The following MATN2 variants were observed in gnomAD, a reference collection of about 807,000 sequenced individuals.
MATN2 encodes the protein matrilin-2.
Under a neutral mutation model 103.2 loss-of-function variants are expected in MATN2, and 69 were observed. That is an observed-to-expected ratio of 0.67 (90% CI 0.55 to 0.82). The LOEUF (loss-of-function observed/expected upper bound fraction) is 0.82, where lower values mean the gene tolerates loss of function less well. MATN2 is among the 40% of genes least tolerant of loss of function. The pLI is 0.00. For synonymous variants in MATN2, 429 were observed against 450.2 expected (o/e 0.95, Z 0.60); for missense variants, 1,023 against 1,211.5 (o/e 0.84, Z 2.31).
Position 97,979,003 on chromosome 8 carries a change from G to A in MATN2, c.1076G>A (p.Cys359Tyr). The change falls in exon 6 of 19, where the codon TGC becomes TAC. Residue 359 changes from cysteine (C) to tyrosine (Y), a missense_variant. Physicochemically the swap from Cys to Tyr is radical, Grantham distance 194 (BLOSUM62 -2). Coordinates refer to ENST00000254898, the MANE Select transcript of MATN2 (RefSeq NM_002380.5). ...GFALNPDKKT[C>Y]TKIDYCASSN... ...GCTCTTAACCCAGATAAAAAAACGT[G>A]CACAAGTAAGTTACACACACATGCA... 1 of 1,610,606 alleles carries A rather than the reference G, an allele frequency of 6.2e-7. No individual in the cohort carries two copies. The highest frequency in any genetic ancestry group is 8.5e-7 in the Non-Finnish European group (1 of 1,178,494).
chr8:98,019,782 C>G (rs1252094975), intron 12 of MATN2, among the ~76,000 whole-genome samples: 2 of 152,200 alleles, frequency 1.3e-5, no homozygotes, highest in African/African-American at 4.8e-5. Flanking sequence ...CACTTTGCCC[C>G]AGTGGGCAAA....
chr8:98,031,149 C>A (rs1214215067), intron 15 of MATN2, among the ~76,000 whole-genome samples: 1 of 152,014 alleles, frequency 6.6e-6, no homozygotes, highest in Non-Finnish European at 1.5e-5. Flanking sequence ...CCAGTTTAGG[C>A]AACAAAGTGA....
At chr8:98,009,307 G>A (rs1238137599) in intron 10 of MATN2, among the ~76,000 whole-genome samples, 3 of 152,142 alleles carry the variant, frequency 2.0e-5, no homozygotes, top group South Asian at 2.1e-4. Context: ...GGTTTTCAGC[G>A]TGGCCACAGC....
intron 1 of MATN2, among the ~76,000 whole-genome samples, chr8:97,881,467 C>A (rs994656994): frequency 6.6e-6 from 1 of 152,324 alleles, no homozygotes; most frequent in African/African-American, 2.4e-5. Context: ...TCTCTTCCCC[C>A]ACCCCCTTGG....
At chr8:97,955,162 G>T (rs1389749315) in intron 4 of MATN2, among the ~76,000 whole-genome samples, 1 of 149,726 alleles carries the variant, frequency 6.7e-6, no homozygotes, top group Non-Finnish European at 1.5e-5. Flanking sequence ...GGTGGGTCTT[G>T]TAGCCCCCTT....
At chr8:97,992,928 C>CAATAATAATAATAATAATAAT (rs58706549) in intron 6 of MATN2, among the ~76,000 whole-genome samples, 7 of 144,592 alleles carry the variant, frequency 4.8e-5, no homozygotes, top group African/African-American at 1.5e-4. Flanking sequence ...TCAAAACAAA[C>CAATAATAATAATAATAATAAT]AATAATAATA....
intron 5 of MATN2, among the ~76,000 whole-genome samples, chr8:97,962,439 G>C (rs1811346707): frequency 6.6e-6 from 1 of 152,186 alleles, no homozygotes. Flanking sequence ...GATGTGGAAG[G>C]CAAAACAAAA....
chr8:98,003,539 T>C lies in MATN2; in HGVS notation c.1205-122T>C. On this transcript the variant is annotated intron_variant, in intron 7 of 18. Coordinates refer to ENST00000254898, the MANE Select transcript of MATN2 (RefSeq NM_002380.5). Reference sequence around the variant, plus strand: ...AAACGAATGAATGATCCGTCCCGGCTTGCCTCAGCAGGCAGCACCCACCAG... The same window carrying C: ...AAACGAATGAATGATCCGTCCCGGCCTGCCTCAGCAGGCAGCACCCACCAG... 3 of 1,048,920 alleles carry C rather than the reference T, an allele frequency of 2.9e-6. No individual in the cohort carries two copies. The Admixed American group carries it at 6.3e-5, about 22-fold the overall frequency. The allele number at this position is 1,048,920 out of a possible 1,614,324, so 65.0% of individuals were successfully genotyped here. A position where few individuals can be genotyped will look rare whatever the true frequency, so the allele number is the denominator to read the frequency against.
At chr8:97,884,085 C>T (rs976010087) in intron 1 of MATN2, among the ~76,000 whole-genome samples, 4 of 151,578 alleles carry the variant, frequency 2.6e-5, no homozygotes, top group Non-Finnish European at 4.4e-5. Context: ...GTCTAATATA[C>T]ATTAAGTGGC....
intron 4 of MATN2, among the ~76,000 whole-genome samples, chr8:97,957,366 T>C (rs1208490969): frequency 6.6e-6 from 1 of 152,238 alleles, no homozygotes; most frequent in East Asian, 1.9e-4. Flanking sequence ...CAAAAGGAAA[T>C]GGCCACTGCC....
intron 2 of MATN2, among the ~76,000 whole-genome samples, chr8:97,908,127 G>C (rs894971233): frequency 6.6e-6 from 1 of 152,152 alleles, no homozygotes; most frequent in Non-Finnish European, 1.5e-5. Flanking sequence ...GATTGCTATG[G>C]CTAAGTTCAT....
intron 5 of MATN2, among the ~76,000 whole-genome samples, chr8:97,974,979 G>A (rs140302739): frequency 6.8e-4 from 103 of 152,292 alleles, no homozygotes; most frequent in Admixed American, 2.2e-3. Context: ...GTTCTCAAGC[G>A]ATGGTTGATG....
intron 2 of MATN2, among the ~76,000 whole-genome samples, chr8:97,915,117 A>T (rs1809577678): frequency 6.6e-6 from 1 of 151,976 alleles, no homozygotes; most frequent in African/African-American, 2.4e-5. Context: ...CTCCCAAGTA[A>T]CTGGGACTAC....
At chr8:98,002,523 G>C (rs902206723) in intron 7 of MATN2, among the ~76,000 whole-genome samples, 2 of 152,214 alleles carry the variant, frequency 1.3e-5, no homozygotes, top group Non-Finnish European at 2.9e-5. Flanking sequence ...CAAGTGATCA[G>C]GTTAACCTGA....
intron 10 of MATN2, among the ~76,000 whole-genome samples, chr8:98,011,559 T>C (rs759893120): frequency 6.6e-6 from 1 of 152,192 alleles, no homozygotes; most frequent in Non-Finnish European, 1.5e-5. Context: ...GAAAAGCACA[T>C]CTCAGTTCAG....
intron 2 of MATN2, among the ~76,000 whole-genome samples, chr8:97,894,965 C>T (rs545201699): frequency 6.8e-4 from 103 of 151,870 alleles, no homozygotes; most frequent in Non-Finnish European, 1.4e-3. Flanking sequence ...CTCCGCCTCC[C>T]GGGTTCAAGC....
rs143443096 is a variant in MATN2, at chr8:97,927,239, G to A, written c.143-3714G>A. ...GCTCACAGCAACCTCCAGCTCCCAG[G>A]TTCAAGCGATTCTCCTGCCTCAGCC... is the stretch of plus-strand genomic sequence containing the variant. On this transcript the variant is annotated intron_variant, in intron 2 of 18. Coordinates refer to ENST00000254898, the MANE Select transcript of MATN2 (RefSeq NM_002380.5). Among the ~76,000 whole-genome samples the A allele has an allele frequency of 8.6e-3, 1,308 of 152,280 alleles. 22 individuals carry two copies. The highest frequency in any genetic ancestry group is 0.03 in the African/African-American group (1,253 of 41,546).
At chr8:98,025,739 C>A (rs1297529288) in intron 13 of MATN2, 1 of 442,894 alleles carries the variant, frequency 2.3e-6, no homozygotes, top group Admixed American at 2.5e-5. Flanking sequence ...CAGCAAGACT[C>A]TGTCTCAAAA....
rs542014298 is a variant in MATN2, at chr8:98,023,218, C to T, written c.1942+1891C>T. On this transcript the variant is annotated intron_variant, in intron 13 of 18. Coordinates refer to ENST00000254898, the MANE Select transcript of MATN2 (RefSeq NM_002380.5). ...GTTGCAGTGGGCCGAGATCGTGCCACTGCACTCCAGCCAGGGTGACAGAGC... is the reference window on the plus strand; with the variant it reads ...GTTGCAGTGGGCCGAGATCGTGCCATTGCACTCCAGCCAGGGTGACAGAGC... Among the ~76,000 whole-genome samples, 31 of 152,248 alleles carry T rather than the reference C, an allele frequency of 2.0e-4. 2 individuals carry two copies. Among genetic ancestry groups the T allele is most frequent in the African/African-American group, 6.3e-4 (26 of 41,550 alleles).
Sources: allele counts gnomAD v4.1 joint callset (sites outside exome capture counted in the v4.1 genomes callset), GRCh38; gene constraint gnomAD v4.1.1; transcripts MANE v1.5; gene names NCBI Gene and HGNC (gene_info 2026-07-23, HGNC 2026-07-21).